The following LINGO2 variants were observed in gnomAD, a reference collection of about 807,000 sequenced individuals.
The protein encoded by LINGO2 is leucine rich repeat and Ig domain containing 2.
A neutral mutation model predicts 30.6 loss-of-function variants in LINGO2; 14 were observed. That is an observed-to-expected ratio of 0.46 (90% CI 0.30 to 0.72). The LOEUF (loss-of-function observed/expected upper bound fraction) is 0.72. LINGO2 is among the 30% of genes least tolerant of loss of function. The pLI is 0.07. For synonymous variants in LINGO2, 317 were observed against 288.5 expected, an observed-to-expected ratio of 1.10 and a Z score of -1.00; for missense variants, 729 against 751.7, an observed-to-expected ratio of 0.97 and a Z score of 0.35.
intron 5 of LINGO2, among the ~76,000 whole-genome samples, chr9:27,970,024 G>A (rs771371987): frequency 4.6e-5 from 7 of 152,138 alleles, no homozygotes; most frequent in Non-Finnish European, 1.0e-4. Flanking sequence ...GCCTCATAAT[G>A]TTGTATTAAT....
intron 1 of LINGO2, among the ~76,000 whole-genome samples, chr9:28,497,525 C>T (rs1276687334): frequency 1.3e-5 from 2 of 152,156 alleles, no homozygotes; most frequent in African/African-American, 4.8e-5. Flanking sequence ...CATTTAAGAA[C>T]TTTTCTACAC....
At chr9:28,406,359 G>T (rs947565359) in intron 2 of LINGO2, among the ~76,000 whole-genome samples, 21 of 151,912 alleles carry the variant, frequency 1.4e-4, no homozygotes, top group African/African-American at 4.8e-4. Context: ...CTTGAATTCA[G>T]GGGGCAGAGG....
At chr9:28,059,326 C>A (rs1370939525) in intron 4 of LINGO2, among the ~76,000 whole-genome samples, 1 of 152,096 alleles carries the variant, frequency 6.6e-6, no homozygotes, top group Non-Finnish European at 1.5e-5. Context: ...GAGCTCGGGG[C>A]CTTCACAACC....
chr9:28,659,613 A>AT (rs928878178), intron 1 of LINGO2, among the ~76,000 whole-genome samples: 39 of 151,978 alleles, frequency 2.6e-4, no homozygotes, highest in African/African-American at 9.2e-4. Flanking sequence ...ACAGCCAGCA[A>AT]TTTTTTTGTA....
chr9:28,429,846 G>A (rs1823575617), intron 2 of LINGO2, among the ~76,000 whole-genome samples: 1 of 151,910 alleles, frequency 6.6e-6, no homozygotes, highest in Non-Finnish European at 1.5e-5. Flanking sequence ...GGAAAAAAGA[G>A]GGAGGGATGT....
Position 28,562,478 on chromosome 9 carries a change from G to GA in LINGO2, c.-364-86454dup, listed in dbSNP as rs144903507. On this transcript the variant is annotated intron_variant, in intron 1 of 5. Coordinates refer to ENST00000379992, the Ensembl canonical transcript of LINGO2. Reference sequence around the variant, plus strand: ...CTTTCAAAAAAAAAAAAAAAAAACAGAAAAAACAAAAAATTGGTCCCCATT... The same window carrying GA: ...CTTTCAAAAAAAAAAAAAAAAAACAGAAAAAAACAAAAAATTGGTCCCCATT... Among the ~76,000 whole-genome samples the GA allele has an allele frequency of 0.01, 948 of 92,822 alleles. 29 individuals are homozygous for GA. In the East Asian group the frequency reaches 0.12, roughly 12 times the overall value. The allele number at this position is 92,822 out of a possible 152,430, so 60.9% of individuals were successfully genotyped here.
At chr9:28,255,243 C>T (rs1251397162) in intron 4 of LINGO2, among the ~76,000 whole-genome samples, 1 of 151,854 alleles carries the variant, frequency 6.6e-6, no homozygotes, top group African/African-American at 2.4e-5. Context: ...TCCTAGCACA[C>T]TTAAAATTAT....
chr9:28,498,301 T>C (rs1052790529), intron 1 of LINGO2, among the ~76,000 whole-genome samples: 2 of 152,160 alleles, frequency 1.3e-5, no homozygotes, highest in Non-Finnish European at 2.9e-5. Context: ...AGCGGTGGGC[T>C]CCATCCAGTT....
At chr9:28,626,742 GCTTCACTGATTGTTTTTTT>G (rs1381216455) in intron 1 of LINGO2, among the ~76,000 whole-genome samples, 1 of 151,474 alleles carries the variant, frequency 6.6e-6, no homozygotes, top group African/African-American at 2.4e-5. Context: ...CATTTATTCA[GCTTCACTGATTGTTTTTTT>G]CTACATTGTT....
intron 1 of LINGO2, among the ~76,000 whole-genome samples, chr9:28,478,560 T>C (rs1195208975): frequency 6.6e-6 from 1 of 152,122 alleles, no homozygotes; most frequent in Non-Finnish European, 1.5e-5. Flanking sequence ...TTTTAGATGG[T>C]TTCAGAAAGA....
chr9:28,732,017 T>C, the LINGO2 span, among the ~76,000 whole-genome samples: 5 of 152,086 alleles, frequency 3.3e-5, no homozygotes, highest in Non-Finnish European at 7.4e-5. Flanking sequence ...CAAAATACTA[T>C]AAAGAAAATA....
chr9:27,982,854 A>G (rs1368905326), intron 5 of LINGO2, among the ~76,000 whole-genome samples: 1 of 151,688 alleles, frequency 6.6e-6, no homozygotes, highest in Non-Finnish European at 1.5e-5. Context: ...ACCCTACACA[A>G]TGGTTGAGGG....
At chr9:28,867,643 T>A in the LINGO2 span, among the ~76,000 whole-genome samples, 1 of 152,172 alleles carries the variant, frequency 6.6e-6, no homozygotes, top group South Asian at 2.1e-4. Flanking sequence ...TTACTTCATT[T>A]ATTTCTGATT....
chr9:28,569,660 T>C (rs1357801522), intron 1 of LINGO2, among the ~76,000 whole-genome samples: 2 of 151,818 alleles, frequency 1.3e-5, no homozygotes, highest in South Asian at 2.1e-4. Flanking sequence ...GGTCAAAGGG[T>C]ACAAACTTTC....
intron 4 of LINGO2, among the ~76,000 whole-genome samples, chr9:28,123,820 C>G (rs1587034371): frequency 6.6e-6 from 1 of 151,930 alleles, no homozygotes; most frequent in Admixed American, 6.6e-5. Context: ...CCCGCCACCA[C>G]TCCTGGCTAA....
At chr9:28,237,519 T>TA (rs1177914483) in intron 4 of LINGO2, among the ~76,000 whole-genome samples, 2 of 151,744 alleles carry the variant, frequency 1.3e-5, no homozygotes, top group African/African-American at 2.4e-5. Flanking sequence ...CTGAATGGAT[T>TA]AAAAAAAACA....
At chr9:28,298,911 C>T (rs1018942605) in intron 3 of LINGO2, among the ~76,000 whole-genome samples, 2 of 152,172 alleles carry the variant, frequency 1.3e-5, no homozygotes, top group African/African-American at 4.8e-5. Context: ...CTAACATGTA[C>T]AAACGCTGTT....
intron 4 of LINGO2, among the ~76,000 whole-genome samples, chr9:28,194,889 A>G (rs1819954853): frequency 6.6e-6 from 1 of 152,012 alleles, no homozygotes; most frequent in Non-Finnish European, 1.5e-5. Flanking sequence ...ATTTCTATGT[A>G]CCAAATAATA....
At chr9:28,678,631 T>C in the LINGO2 span, among the ~76,000 whole-genome samples, 1 of 152,170 alleles carries the variant, frequency 6.6e-6, no homozygotes, top group Non-Finnish European at 1.5e-5. Context: ...ATCATTTACC[T>C]AAAGGGATGG....
Sources: gnomAD v4.1 joint callset for allele counts (sites outside exome capture counted in the v4.1 genomes callset) on GRCh38, gnomAD v4.1.1 for gene constraint, MANE v1.5 for transcripts, NCBI Gene and HGNC (gene_info 2026-07-23, HGNC 2026-07-21) for gene names.